SRD5A1: variants seen among roughly 807,000 people sequenced by gnomAD.
SRD5A1 encodes steroid 5 alpha-reductase 1, also known as 3-oxo-5-alpha-steroid 4-dehydrogenase 1.
A neutral mutation model predicts 28.2 loss-of-function variants in SRD5A1; 22 were observed. The ratio of observed to expected loss-of-function variants is 0.78; its 90% CI spans 0.56 to 1.12. SRD5A1 has a LOEUF of 1.12. Among genes scored for constraint, SRD5A1 ranks in the 50% most tolerant of loss-of-function variants. SRD5A1 has a pLI of 0.00. For missense variants in SRD5A1, 300 were observed against 346.7 expected, an observed-to-expected ratio of 0.87 and a Z score of 1.07; for synonymous variants, 151 against 135.0, an observed-to-expected ratio of 1.12 and a Z score of -0.82.
chr5:6,633,902 C>T (rs973855665), intron 1 of SRD5A1, 33 bp downstream of exon 1: 3 of 1,591,178 alleles, frequency 1.9e-6, no homozygotes, highest in African/African-American at 1.3e-5. Context: ...CCCTACCCTA[C>T]TCCCGGCCCG....
At chr5:6,656,554 T>G (rs987986142) in intron 3 of SRD5A1, among the ~76,000 whole-genome samples, 1 of 152,208 alleles carries the variant, frequency 6.6e-6, no homozygotes, top group Non-Finnish European at 1.5e-5. Flanking sequence ...GAAAATCTTC[T>G]TAAACGCATC....
At chr5:6,644,812 T>C (rs958376817) in intron 1 of SRD5A1, 1 of 449,278 alleles carries the variant, frequency 2.2e-6, no homozygotes, top group Non-Finnish European at 4.5e-6. Flanking sequence ...CCACAGGAAA[T>C]GTTGGTATGC....
intron 4 of SRD5A1, among the ~76,000 whole-genome samples, chr5:6,663,407 A>G (rs8192219): frequency 0.017 from 2,645 of 152,324 alleles, 76 homozygotes; most frequent in African/African-American, 0.06. Flanking sequence ...CTCTCCAGCT[A>G]TGTGGTGGCT....
intron 1 of SRD5A1, among the ~76,000 whole-genome samples, chr5:6,637,524 T>G (rs533251): frequency 0.56 from 84,850 of 152,072 alleles, 23,880 homozygotes; most frequent in Admixed American, 0.59. Context: ...CCTGACCTCA[T>G]GCTCTTTCTC....
intron 2 of SRD5A1, among the ~76,000 whole-genome samples, chr5:6,652,296 G>A (rs1039672417): frequency 6.6e-6 from 1 of 152,190 alleles, no homozygotes; most frequent in Admixed American, 6.5e-5. Flanking sequence ...AGAATGAGCA[G>A]GGACTAAAGA....
chr5:6,658,310 G>A (rs953883031), intron 3 of SRD5A1, among the ~76,000 whole-genome samples: 3 of 152,118 alleles, frequency 2.0e-5, no homozygotes, highest in African/African-American at 7.2e-5. Context: ...GGACGACAGA[G>A]TGAGACTCTG....
intron 2 of SRD5A1, among the ~76,000 whole-genome samples, chr5:6,655,745 G>T (rs558563319): frequency 1.3e-5 from 2 of 152,316 alleles, no homozygotes; most frequent in East Asian, 3.9e-4. Flanking sequence ...GCGTCTGTCT[G>T]GTGGGCTGAC....
In SRD5A1 at chr5:6,633,475, T is replaced by A; in HGVS notation, c.-102T>A. ...GAGTCCCGGCAGTGCGGGACTCCGG[T>A]AGCCGCCCCTCCGGTAGCCGCCCCT... On this transcript the variant is annotated 5_prime_UTR_variant, in exon 1 of 5. Coordinates refer to ENST00000274192, the MANE Select transcript of SRD5A1 (RefSeq NM_001047.4). 7.7e-7 allele frequency: 1 copy of A among 1,292,054 alleles called. No individual in the cohort carries two copies. The highest frequency in any genetic ancestry group is 1.0e-6 in the Non-Finnish European group (1 of 994,304). The allele number at this position is 1,292,054 out of a possible 1,614,324, so 80.0% of individuals were successfully genotyped here.
In SRD5A1 at chr5:6,674,223, C is replaced by T. The variant is rs1739441976; in HGVS notation, c.*5955C>T. 1 of 151,776 alleles carries T rather than the reference C, an allele frequency of 6.6e-6. No individual in the cohort carries two copies. The highest frequency in any genetic ancestry group is 2.4e-5 in the African/African-American group (1 of 41,286). The allele number at this position is 151,776 out of a possible 1,614,324, so 9.4% of individuals were successfully genotyped here. A position where few individuals can be genotyped will look rare whatever the true frequency, so the allele number is the denominator to read the frequency against. On this transcript the variant is annotated 3_prime_UTR_variant, in exon 5 of 5. Coordinates refer to ENST00000274192, the MANE Select transcript of SRD5A1 (RefSeq NM_001047.4). ...TGCTTTATTATTATTATGTTAATAT[C>T]ATCAACTGTAACTAGTGTACAACAC...
chr5:6,645,282 G>T, intron 1 of SRD5A1: 1 of 245,794 alleles, frequency 4.1e-6, no homozygotes, highest in Non-Finnish European at 8.1e-6. Flanking sequence ...CAAATAACAA[G>T]CTTTACAGTT....
intron 1 of SRD5A1, among the ~76,000 whole-genome samples, chr5:6,647,444 A>C (rs1738540180): frequency 6.6e-6 from 1 of 152,202 alleles, no homozygotes; most frequent in African/African-American, 2.4e-5. Context: ...AACTTGCTTT[A>C]TGAATCTGGG....
chr5:6,668,539 C>T lies in SRD5A1; in HGVS notation c.*271C>T. Reference sequence around the variant, plus strand: ...ATTTTTTCTAATTTCAAATTTACCTCTTTTGGCTATGTCTTGCCAAGTGTG... The same window carrying T: ...ATTTTTTCTAATTTCAAATTTACCTTTTTTGGCTATGTCTTGCCAAGTGTG... On this transcript the variant is annotated 3_prime_UTR_variant, in exon 5 of 5. Transcript: ENST00000274192. The T allele has an allele frequency of 3.3e-6, 1 of 303,368 alleles. No individual in the cohort carries two copies. The highest frequency in any genetic ancestry group is 6.2e-6 in the Non-Finnish European group (1 of 162,404). 18.8% of individuals were successfully genotyped at this position (303,368 alleles called of 1,614,324 possible).
rs1343924424 is a variant in SRD5A1, at chr5:6,652,542, TAAAAC to T, written c.460+536_460+540del. 3.7e-4 allele frequency among the ~76,000 whole-genome samples: 57 copies of T among 152,056 alleles called. 1 individual carries two copies. Among genetic ancestry groups the T allele is most frequent in the Admixed American group, 3.7e-3 (57 of 15,260 alleles). ...TTTAAGTTCTAAGCAAAAATGAAAA[TAAAAC>T]AGCCATCAAAAATATTTGCAAGAGC... On this transcript the variant is annotated intron_variant, in intron 2 of 4. Coordinates refer to ENST00000274192, the MANE Select transcript of SRD5A1 (RefSeq NM_001047.4).
intron 1 of SRD5A1, among the ~76,000 whole-genome samples, chr5:6,643,047 T>G (rs1377714490): frequency 6.7e-6 from 1 of 149,012 alleles, no homozygotes; most frequent in African/African-American, 2.5e-5. Context: ...TTTTTTTTTG[T>G]CCCATACATT....
chr5:6,659,113 A>G (rs559037039), intron 3 of SRD5A1, among the ~76,000 whole-genome samples: 203 of 151,166 alleles, frequency 1.3e-3, no homozygotes, highest in South Asian at 0.011. Flanking sequence ...TCAAAAAAAA[A>G]AATCTTTTTT....
At chr5:6,643,012 A>G (rs1159813064) in intron 1 of SRD5A1, among the ~76,000 whole-genome samples, 1 of 148,132 alleles carries the variant, frequency 6.8e-6, no homozygotes. Context: ...TTACATTTTT[A>G]CAAGTTTGTA....
chr5:6,650,165 C>A (rs2126536634), intron 1 of SRD5A1, among the ~76,000 whole-genome samples: 1 of 151,926 alleles, frequency 6.6e-6, no homozygotes, highest in South Asian at 2.1e-4. Context: ...ATAATAGTTC[C>A]TTATTATCTG....
rs774981039 is a variant in SRD5A1 at position 6,633,593 on chromosome 5, G to T, written c.17G>T (p.Gly6Val). MATAT[G>V]VAEERLLAAL... ...GCCCTGGCGATGGCAACGGCGACGG[G>T]GGTGGCGGAGGAGCGCCTGCTGGCC... The change falls in exon 1 of 5, where the codon GGG becomes GTG. Residue 6 changes from glycine (G) to valine (V), a missense_variant. Gly to Val is a moderately radical substitution (Grantham distance 109). This residue lies in a region of SRD5A1 where 174 missense variants were observed against 160.9 expected (regional missense o/e 1.08). Coordinates refer to ENST00000274192, the MANE Select transcript of SRD5A1 (RefSeq NM_001047.4). 1.1e-5 allele frequency: 16 copies of T among 1,520,778 alleles called. No homozygotes were observed. The African/African-American group carries it at 2.1e-4, about 20-fold the overall frequency. 94.2% of individuals were successfully genotyped at this position (1,520,778 alleles called of 1,614,324 possible).
At chr5:6,656,981 T>G (rs1045311712) in intron 3 of SRD5A1, among the ~76,000 whole-genome samples, 1 of 152,166 alleles carries the variant, frequency 6.6e-6, no homozygotes, top group African/African-American at 2.4e-5. Flanking sequence ...AAATGCTTTT[T>G]AAAAGGAGTA....
Sources: allele counts gnomAD v4.1 joint callset (sites outside exome capture counted in the v4.1 genomes callset), GRCh38; gene constraint gnomAD v4.1.1; regional missense constraint gnomAD v4.1.1; transcripts MANE v1.5; gene names NCBI Gene and HGNC (gene_info 2026-07-23, HGNC 2026-07-21).